Variants in LRP1B observed in about 807,000 individuals in gnomAD.
LRP1B encodes the protein LDL receptor related protein 1B, also known as low-density lipoprotein receptor-related protein 1B.
A neutral mutation model predicts 556.6 loss-of-function variants in LRP1B; 217 were observed. The ratio of observed to expected loss-of-function variants is 0.39; its 90% CI spans 0.35 to 0.44. The LOEUF (loss-of-function observed/expected upper bound fraction) is 0.44. Among genes scored for constraint, LRP1B ranks in the 20% least tolerant of loss-of-function variants. The pLI is 1.00. For missense variants in LRP1B, 5,053 were observed against 5,620.8 expected, an observed-to-expected ratio of 0.90 and a Z score of 3.23; for synonymous variants, 2,047 against 1,865.8, an observed-to-expected ratio of 1.10 and a Z score of -2.50.
chr2:140,844,404 C>G (rs935551772), intron 29 of LRP1B, among the ~76,000 whole-genome samples: 1 of 152,002 alleles, frequency 6.6e-6, no homozygotes, highest in Admixed American at 6.6e-5. Context: ...TTTTCTCCCA[C>G]CAGATTGAAC....
At chr2:140,931,926 G>C (rs1245199479) in intron 20 of LRP1B, among the ~76,000 whole-genome samples, 1 of 152,102 alleles carries the variant, frequency 6.6e-6, no homozygotes. Flanking sequence ...AGATATGTTA[G>C]TTATCAAATA....
chr2:141,589,801 C>T (rs1687272621), intron 2 of LRP1B, among the ~76,000 whole-genome samples: 1 of 152,056 alleles, frequency 6.6e-6, no homozygotes, highest in African/African-American at 2.4e-5. Context: ...ATTGAGTAGG[C>T]AAACTACCAC....
chr2:140,947,137 A>G (rs1289238068), intron 20 of LRP1B, among the ~76,000 whole-genome samples: 1 of 152,184 alleles, frequency 6.6e-6, no homozygotes, highest in East Asian at 1.9e-4. Flanking sequence ...TCTTAACAAT[A>G]AACCTGCAAA....
chr2:140,973,049 AT>A (rs1220002824), intron 18 of LRP1B, among the ~76,000 whole-genome samples: 27 of 51,244 alleles, frequency 5.3e-4, no homozygotes, highest in African/African-American at 1.7e-3. Flanking sequence ...AATATATTTC[AT>A]TTTATATATA....
intron 3 of LRP1B, among the ~76,000 whole-genome samples, chr2:141,473,657 G>A (rs561264572): frequency 6.6e-5 from 10 of 152,068 alleles, no homozygotes; most frequent in Non-Finnish European, 1.2e-4. Flanking sequence ...AAAGTGTTCT[G>A]AGCTCACAAA....
At chr2:140,684,078 A>G (rs767029337) in intron 41 of LRP1B, among the ~76,000 whole-genome samples, 10 of 152,204 alleles carry the variant, frequency 6.6e-5, no homozygotes, top group Non-Finnish European at 1.5e-4. Flanking sequence ...TAATAATACC[A>G]ATGAGGATAA....
In LRP1B at chr2:141,449,299, T is replaced by C. The variant is rs148881267; in HGVS notation, c.343+31097A>G. The stretch of plus-strand genomic sequence containing the variant: ...GCATGTAATTTCAATTACAATGTTA[T>C]GACTCTTGAAATTGGCATTTGGGAA... On this transcript the variant is annotated intron_variant, in intron 3 of 90. Transcript: ENST00000389484. 1.6e-3 allele frequency among the ~76,000 whole-genome samples: 247 copies of C among 152,344 alleles called. 2 individuals are homozygous for C. The highest frequency in any genetic ancestry group is 2.7e-3 in the Non-Finnish European group (186 of 68,034).
intron 41 of LRP1B, among the ~76,000 whole-genome samples, chr2:140,653,580 T>G (rs1684764829): frequency 6.6e-6 from 1 of 152,030 alleles, no homozygotes; most frequent in Admixed American, 6.6e-5. Context: ...GGCTGTAAAG[T>G]CTGCAAGCTA....
chr2:141,883,535 C>T (rs1243243749), intron 1 of LRP1B, among the ~76,000 whole-genome samples: 2 of 152,054 alleles, frequency 1.3e-5, no homozygotes, highest in Admixed American at 6.6e-5. Context: ...GATGAGCCAA[C>T]GTAGCAAGAC....
intron 3 of LRP1B, among the ~76,000 whole-genome samples, chr2:141,262,692 T>C (rs989496847): frequency 1.3e-5 from 2 of 152,196 alleles, no homozygotes; most frequent in Non-Finnish European, 2.9e-5. Flanking sequence ...TTGAATTATC[T>C]TTGTACCTTT....
chr2:141,502,636 G>A (rs779175918), intron 2 of LRP1B, among the ~76,000 whole-genome samples: 4 of 151,934 alleles, frequency 2.6e-5, no homozygotes, highest in Non-Finnish European at 5.9e-5. Flanking sequence ...TGAGGTGGGC[G>A]GATCACGAGG....
At chr2:141,269,306 T>C (rs987246245) in intron 3 of LRP1B, among the ~76,000 whole-genome samples, 2 of 151,866 alleles carry the variant, frequency 1.3e-5, no homozygotes, top group Non-Finnish European at 2.9e-5. Flanking sequence ...CCACTGTGGG[T>C]TTAGAACAAA....
intron 1 of LRP1B, among the ~76,000 whole-genome samples, chr2:141,872,529 G>C (rs1698621785): frequency 6.6e-6 from 1 of 151,682 alleles, no homozygotes; most frequent in Non-Finnish European, 1.5e-5. Flanking sequence ...ACAAAAGATA[G>C]AATTAATATT....
chr2:140,857,753 A>G (rs1431842978), intron 27 of LRP1B, among the ~76,000 whole-genome samples: 2 of 152,148 alleles, frequency 1.3e-5, no homozygotes, highest in African/African-American at 4.8e-5. Context: ...TAAAAACCAC[A>G]AAAAACATTT....
chr2:141,987,549 G>GGT (rs759066326), intron 1 of LRP1B, among the ~76,000 whole-genome samples: 2,117 of 139,968 alleles, frequency 0.015, 22 homozygotes, highest in Middle Eastern at 0.029. Flanking sequence ...GATTTAAGCT[G>GGT]TTTTTTTTTT....
intron 1 of LRP1B, among the ~76,000 whole-genome samples, chr2:141,893,006 T>C: frequency 6.6e-6 from 1 of 152,302 alleles, no homozygotes; most frequent in South Asian, 2.1e-4. Flanking sequence ...TATATTTTTT[T>C]CTTAATTTTA....
At chr2:140,964,576 G>T (rs974907871) in intron 18 of LRP1B, among the ~76,000 whole-genome samples, 1 of 142,266 alleles carries the variant, frequency 7.0e-6, no homozygotes, top group Admixed American at 6.9e-5. Context: ...CAGAAGGCTC[G>T]CACTCTTGTC....
At chr2:141,570,131 C>T (rs1390283253) in intron 2 of LRP1B, among the ~76,000 whole-genome samples, 1 of 131,390 alleles carries the variant, frequency 7.6e-6, no homozygotes, top group Non-Finnish European at 1.6e-5. Context: ...TGGAGGCTCC[C>T]ATGGGAAAAC....
chr2:141,390,525 A>T (rs1259545953), intron 3 of LRP1B, among the ~76,000 whole-genome samples: 1 of 152,262 alleles, frequency 6.6e-6, no homozygotes, highest in African/African-American at 2.4e-5. Flanking sequence ...AAAAGATTTT[A>T]AAAAGTCTGG....
Sources: gnomAD v4.1 joint callset for allele counts (sites outside exome capture counted in the v4.1 genomes callset) on GRCh38, gnomAD v4.1.1 for gene constraint, MANE v1.5 for transcripts, NCBI Gene and HGNC (gene_info 2026-07-23, HGNC 2026-07-21) for gene names.